Variants in CSNK1G1 observed in about 807,000 individuals in gnomAD.
CSNK1G1 encodes the protein casein kinase 1 gamma 1, also known as casein kinase I isoform gamma-1.
Under a neutral mutation model 59.6 loss-of-function variants are expected in CSNK1G1, and 22 were observed. That is an observed-to-expected ratio of 0.37 (90% CI 0.26 to 0.53). The LOEUF (loss-of-function observed/expected upper bound fraction) is 0.53. Among genes scored for constraint, CSNK1G1 ranks in the 20% least tolerant of loss-of-function variants. CSNK1G1 has a pLI of 0.89. For synonymous variants in CSNK1G1, 179 were observed against 177.1 expected (o/e 1.01, Z -0.08); for missense variants, 384 against 519.5 (o/e 0.74, Z 2.54).
chr15:64,300,672 C>T lies in CSNK1G1; in HGVS notation c.-173G>A, dbSNP rs530726048. The stretch of plus-strand genomic sequence containing the variant: ...GGAGATGAAAAACCATTTATTTGTT[C>T]CCGTAGGAAATGTAGTCACTAGGTC... On this transcript the variant is annotated 5_prime_UTR_variant, in exon 2 of 12. Transcript: ENST00000303052. 3.9e-6 allele frequency: 5 copies of T among 1,280,680 alleles called. No individual in the cohort carries two copies. Among genetic ancestry groups the T allele is most frequent in the Non-Finnish European group, 4.9e-6 (5 of 1,012,802 alleles). The allele number at this position is 1,280,680 out of a possible 1,614,324, so 79.3% of individuals were successfully genotyped here. A position where few individuals can be genotyped will look rare whatever the true frequency, so the allele number is the denominator to read the frequency against.
chr15:64,215,441 T>C (rs2082299971), intron 5 of CSNK1G1, among the ~76,000 whole-genome samples: 2 of 151,938 alleles, frequency 1.3e-5, no homozygotes, highest in African/African-American at 2.4e-5. Flanking sequence ...CTCGATCTCC[T>C]GACCTCATGA....
chr15:64,321,107 TTC>T lies in CSNK1G1; in HGVS notation c.-224-20386_-224-20385del, dbSNP rs995753574. ...ACTATTGGTAATAAGTTTAATTCAT[TTC>T]TGTTTCTTATTCAAGAGAAAAATTC... On this transcript the variant is annotated intron_variant, in intron 1 of 11. Transcript: ENST00000303052. 3.9e-4 allele frequency among the ~76,000 whole-genome samples: 60 copies of T among 152,266 alleles called. 1 individual carries two copies. Among genetic ancestry groups the T allele is most frequent in the East Asian group, 1.7e-3 (9 of 5,190 alleles).
In CSNK1G1 at chr15:64,203,151, T is replaced by C; in HGVS notation, c.1038A>G (p.Ala346=). 1.9e-6 allele frequency: 3 copies of C among 1,614,104 alleles called. No individual in the cohort carries two copies. Among genetic ancestry groups the C allele is most frequent in the Non-Finnish European group, 2.5e-6 (3 of 1,179,978 alleles). ...PVGSVHVDSG[A]SAITRESHTH... The stretch of plus-strand genomic sequence containing the variant: ...TGTGGCTTTCTCGAGTTATTGCAGA[T>C]GCACCAGAATCTACGTGAACTGACC... The change falls in exon 10 of 12, where the codon GCA becomes GCG. Residue 346 remains alanine, a synonymous_variant. Transcript: ENST00000303052.
chr15:64,215,439 C>T (rs1041801365), intron 5 of CSNK1G1, among the ~76,000 whole-genome samples: 1 of 151,780 alleles, frequency 6.6e-6, no homozygotes, highest in Non-Finnish European at 1.5e-5. Flanking sequence ...GTCTCGATCT[C>T]CTGACCTCAT....
rs1296551147 is a variant in CSNK1G1 at position 64,204,564 on chromosome 15, A to G, written c.876T>C (p.Tyr292=). The G allele has an allele frequency of 9.3e-6, 15 of 1,613,906 alleles. No individual in the cohort carries two copies. Among genetic ancestry groups the G allele is most frequent in the Middle Eastern group, 1.6e-4 (1 of 6,084 alleles). The change falls in exon 9 of 12, where the codon TAT becomes TAC. Residue 292 remains tyrosine, a synonymous_variant. Transcript: ENST00000303052. The stretch of plus-strand genomic sequence containing the variant: ...TTTCAAAGAAGTCCAGTCGCCTGAC[A>G]TATCGAAGGTAGGTTGCCATCTCCT... ...FPEEMATYLR[Y]VRRLDFFEKP...
chr15:64,313,761 A>T (rs948422602), intron 1 of CSNK1G1, among the ~76,000 whole-genome samples: 13 of 151,770 alleles, frequency 8.6e-5, no homozygotes, highest in African/African-American at 2.9e-4. Context: ...ATAATTTTTT[A>T]AAAGTAAGAA....
intron 4 of CSNK1G1, among the ~76,000 whole-genome samples, chr15:64,239,063 G>A (rs2082659160): frequency 6.6e-6 from 1 of 152,152 alleles, no homozygotes; most frequent in Admixed American, 6.5e-5. Context: ...AAGTTGCACA[G>A]AGGCTGTATC....
At chr15:64,309,550 C>G (rs926595814) in intron 1 of CSNK1G1, among the ~76,000 whole-genome samples, 22 of 152,176 alleles carry the variant, frequency 1.4e-4, no homozygotes, top group African/African-American at 5.1e-4. Flanking sequence ...CACCGAGCTA[C>G]TAGAGCTACT....
chr15:64,295,877 C>T (rs576732683), intron 2 of CSNK1G1, among the ~76,000 whole-genome samples: 7 of 152,218 alleles, frequency 4.6e-5, no homozygotes, highest in South Asian at 2.1e-4. Flanking sequence ...TTCACAATTT[C>T]GTCCCAACTT....
intron 4 of CSNK1G1, among the ~76,000 whole-genome samples, chr15:64,249,705 T>G (rs1388808517): frequency 6.6e-6 from 1 of 152,228 alleles, no homozygotes; most frequent in Non-Finnish European, 1.5e-5. Context: ...TATAGTCACC[T>G]TTCCTCTAAT....
chr15:64,220,568 A>G (rs1354414035), intron 4 of CSNK1G1, among the ~76,000 whole-genome samples: 1 of 143,778 alleles, frequency 7.0e-6, no homozygotes, highest in African/African-American at 2.6e-5. Flanking sequence ...ATGATCTTAG[A>G]TCAGTGCAAC....
At chr15:64,334,134 C>T (rs946047917) in intron 1 of CSNK1G1, among the ~76,000 whole-genome samples, 73 of 152,260 alleles carry the variant, frequency 4.8e-4, no homozygotes, top group African/African-American at 1.7e-3. Flanking sequence ...CTTCTCATTA[C>T]CACATGAATC....
Position 64,171,787 on chromosome 15 carries a change from C to T in CSNK1G1, c.*144G>A. On this transcript the variant is annotated 3_prime_UTR_variant, in exon 12 of 12. Transcript: ENST00000303052. This position sits in a 1 kb window ranked among gnomAD's most constrained non-coding sequence, Gnocchi z 4.8. The stretch of plus-strand genomic sequence containing the variant: ...AGGCCCTGGCTGCCCGCACTGGCCC[C>T]TTCTGGGGGCATCTGTTTTCTTCTT... 1.0e-5 allele frequency: 8 copies of T among 762,176 alleles called. No homozygotes were observed. Among genetic ancestry groups the T allele is most frequent in the Admixed American group, 2.0e-5 (1 of 50,370 alleles). 47.2% of individuals were successfully genotyped at this position (762,176 alleles called of 1,614,324 possible).
Position 64,259,840 on chromosome 15 carries a change from C to T in CSNK1G1, c.182-599G>A, listed in dbSNP as rs191384980. Among the ~76,000 whole-genome samples, 43 of 152,290 alleles carry T rather than the reference C, an allele frequency of 2.8e-4. No individual in the cohort carries two copies. The East Asian group carries it at 7.3e-3, about 26-fold the overall frequency. On this transcript the variant is annotated intron_variant, in intron 2 of 11. Coordinates refer to ENST00000303052, the MANE Select transcript of CSNK1G1 (RefSeq NM_022048.5). ...ACAGACTTATATCTTTAACTATTTA[C>T]AGGAAACAGATCTTCAGCTAGACAA...
chr15:64,235,000 T>C (rs1291461429), intron 4 of CSNK1G1, among the ~76,000 whole-genome samples: 5 of 152,062 alleles, frequency 3.3e-5, no homozygotes, highest in African/African-American at 1.2e-4. Flanking sequence ...AGGCTGGTAA[T>C]GTAGACAAAA....
chr15:64,231,539 AAGTGGGATGCTCAAG>A (rs1240795864), intron 4 of CSNK1G1, among the ~76,000 whole-genome samples: 1 of 151,346 alleles, frequency 6.6e-6, no homozygotes, highest in African/African-American at 2.4e-5. Flanking sequence ...TACTTAACCC[AAGTGGGATGCTCAAG>A]AATATCTCTT....
rs771554925 is a variant in CSNK1G1 at position 64,246,625 on chromosome 15, T to TA, written c.292+4886dup. ...GAATCAGAGCAAGAGTCCGTCTCTT[T>TA]AAAAAAAAAAAAAAGGGGGGGGGGG... is the stretch of plus-strand genomic sequence containing the variant. On this transcript the variant is annotated intron_variant, in intron 4 of 11. Transcript: ENST00000303052. Among the ~76,000 whole-genome samples, 676 of 84,542 alleles carry TA rather than the reference T, an allele frequency of 8.0e-3. 2 individuals carry two copies. Among genetic ancestry groups the TA allele is most frequent in the Middle Eastern group, 0.023 (4 of 174 alleles). 55.5% of individuals were successfully genotyped at this position (84,542 alleles called of 152,430 possible). A position where few individuals can be genotyped will look rare whatever the true frequency, so the allele number is the denominator to read the frequency against.
intron 2 of CSNK1G1, among the ~76,000 whole-genome samples, chr15:64,296,721 G>A (rs145364703): frequency 3.9e-5 from 6 of 151,940 alleles, no homozygotes; most frequent in Non-Finnish European, 7.4e-5. Flanking sequence ...AAAATTAGCC[G>A]GGCATGGAGG....
chr15:64,213,550 C>G (rs951224493), intron 6 of CSNK1G1, among the ~76,000 whole-genome samples: 4 of 152,192 alleles, frequency 2.6e-5, no homozygotes. Context: ...GCCTGATGTC[C>G]TCTTCAGGAC....
Sources: gnomAD v4.1 joint callset for allele counts (sites outside exome capture counted in the v4.1 genomes callset) on GRCh38, gnomAD v4.1.1 for gene constraint, Gnocchi (gnomAD v3.1) non-coding constraint, MANE v1.5 for transcripts, NCBI Gene and HGNC (gene_info 2026-07-23, HGNC 2026-07-21) for gene names.